FIP1L1: variants seen among roughly 807,000 people sequenced by gnomAD.
FIP1L1 encodes factor interacting with PAPOLA and CPSF1, also known as pre-mRNA 3'-end-processing factor FIP1.
FIP1L1 carries 21 observed loss-of-function variants against 84.6 expected under a neutral mutation model. The ratio of observed to expected loss-of-function variants is 0.25; its 90% CI spans 0.18 to 0.36. The LOEUF is 0.36. Ranked by LOEUF, FIP1L1 falls within the 10% of genes least tolerant of loss-of-function variation. The probability of loss-of-function intolerance (pLI) is 1.00; values close to 1 mark genes in which losing one functional copy is unlikely to be tolerated. For missense variants in FIP1L1, 526 were observed against 751.1 expected, an observed-to-expected ratio of 0.70 and a Z score of 3.50; for synonymous variants, 263 against 242.3, an observed-to-expected ratio of 1.09 and a Z score of -0.80.
intron 13 of FIP1L1, among the ~76,000 whole-genome samples, chr4:53,438,937 G>A (rs942929201): frequency 1.3e-5 from 2 of 152,014 alleles, no homozygotes; most frequent in Non-Finnish European, 2.9e-5. Context: ...AAGTTATTAG[G>A]ATTATAGTAT....
intron 11 of FIP1L1, among the ~76,000 whole-genome samples, chr4:53,419,152 G>C (rs913593410): frequency 6.6e-6 from 1 of 152,200 alleles, no homozygotes; most frequent in African/African-American, 2.4e-5. Context: ...CTGTACAAAA[G>C]TGAGTAAACT....
intron 9 of FIP1L1, among the ~76,000 whole-genome samples, chr4:53,394,328 C>T (rs1462177788): frequency 3.3e-5 from 5 of 152,148 alleles, no homozygotes; most frequent in South Asian, 2.1e-4. Flanking sequence ...ACTCATGTAA[C>T]GGTGGGCTGC....
At chr4:53,444,930 T>A (rs774552831) in intron 15 of FIP1L1, among the ~76,000 whole-genome samples, 1 of 152,106 alleles carries the variant, frequency 6.6e-6, no homozygotes, top group East Asian at 1.9e-4. Context: ...ATAAAAGTTA[T>A]AGGCTTATGG....
At chr4:53,457,780 TA>T (rs1229566127) in intron 16 of FIP1L1, among the ~76,000 whole-genome samples, 2 of 150,892 alleles carry the variant, frequency 1.3e-5, no homozygotes. Context: ...ATGCTAAACA[TA>T]AAAAAAGAAA....
intron 13 of FIP1L1, among the ~76,000 whole-genome samples, chr4:53,438,104 A>G (rs1452419814): frequency 6.6e-6 from 1 of 152,164 alleles, no homozygotes; most frequent in Non-Finnish European, 1.5e-5. Context: ...TTTGGCTGGC[A>G]CTAGAAATCT....
At chr4:53,414,443 T>A (rs1191174222) in intron 10 of FIP1L1, among the ~76,000 whole-genome samples, 172 bp from the exon 11 acceptor site, 1 of 151,930 alleles carries the variant, frequency 6.6e-6, no homozygotes, top group Non-Finnish European at 1.5e-5. Context: ...ATAGCACATC[T>A]ATATTTAAAT....
At chr4:53,409,355 C>A (rs1302913901) in intron 10 of FIP1L1, among the ~76,000 whole-genome samples, 1 of 152,084 alleles carries the variant, frequency 6.6e-6, no homozygotes, top group African/African-American at 2.4e-5. Context: ...TTCCTCTGGA[C>A]GTTTTGCCTC....
intron 12 of FIP1L1, among the ~76,000 whole-genome samples, 182 bp downstream of exon 12, chr4:53,426,147 T>A (rs934118320): frequency 3.9e-5 from 6 of 152,154 alleles, no homozygotes; most frequent in African/African-American, 1.4e-4. Flanking sequence ...AATCTCTGAA[T>A]CTTTTTTTAA....
At chr4:53,454,535 G>A (rs566179790) in intron 16 of FIP1L1, among the ~76,000 whole-genome samples, 1 of 152,246 alleles carries the variant, frequency 6.6e-6, no homozygotes, top group East Asian at 1.9e-4. Flanking sequence ...TATTACTATT[G>A]TTAGGAAAAA....
chr4:53,427,365 G>T (rs1224068298), intron 12 of FIP1L1, among the ~76,000 whole-genome samples: 1 of 152,148 alleles, frequency 6.6e-6, no homozygotes, highest in Non-Finnish European at 1.5e-5. Flanking sequence ...TTTTATTTCA[G>T]TAGGTTTGGG....
chr4:53,385,905 C>T (rs1028987696), intron 5 of FIP1L1, among the ~76,000 whole-genome samples: 1 of 152,022 alleles, frequency 6.6e-6, no homozygotes, highest in African/African-American at 2.4e-5. Flanking sequence ...CCCTTGAAAA[C>T]AAAGTCAGTG....
rs113411128 is a variant in FIP1L1 at position 53,459,413 on chromosome 4, T to C, written c.1749T>C (p.Pro583=). The C allele has an allele frequency of 6.2e-7, 1 of 1,612,716 alleles. No individual in the cohort carries two copies. Among genetic ancestry groups the C allele is most frequent in the Non-Finnish European group, 8.5e-7 (1 of 1,179,444 alleles). ...EGKEAGSEPA[P]EQESTEATPA... ...AAGAAGCGGGCAGTGAGCCTGCCCC[T>C]GAACAGGAGAGCACCGAAGCTACAC... The change falls in exon 18 of 18, where the codon CCT becomes CCC. Residue 583 remains proline, a synonymous_variant. Transcript: ENST00000337488.
intron 9 of FIP1L1, among the ~76,000 whole-genome samples, chr4:53,398,108 G>T (rs1333236232): frequency 2.0e-5 from 3 of 151,878 alleles, no homozygotes; most frequent in Admixed American, 6.6e-5. Context: ...TGGTGTGTTT[G>T]TTTTTTCCTA....
At chr4:53,399,279 A>G (rs1187146834) in intron 9 of FIP1L1, among the ~76,000 whole-genome samples, 1 of 152,230 alleles carries the variant, frequency 6.6e-6, no homozygotes, top group African/African-American at 2.4e-5. Context: ...CATTTGTGTT[A>G]CAGGAAATCA....
At chr4:53,389,970 G>A in intron 6 of FIP1L1, 97 bp downstream of exon 6, 3 of 870,304 alleles carry the variant, frequency 3.4e-6, no homozygotes, top group Non-Finnish European at 3.6e-6. Context: ...ACAGAGTCTG[G>A]CTCTGTCACT....
At chr4:53,403,776 T>G (rs183267995) in intron 10 of FIP1L1, among the ~76,000 whole-genome samples, 18 of 152,330 alleles carry the variant, frequency 1.2e-4, no homozygotes, top group African/African-American at 4.1e-4. Flanking sequence ...TGTTGCCCAA[T>G]GCCGGCTGCA....
At chr4:53,380,302 A>G (rs1219751985) in intron 3 of FIP1L1, among the ~76,000 whole-genome samples, 2 of 152,248 alleles carry the variant, frequency 1.3e-5, no homozygotes, top group African/African-American at 2.4e-5. Flanking sequence ...TTTGGCAAGG[A>G]CAATAAAATG....
intron 11 of FIP1L1, among the ~76,000 whole-genome samples, chr4:53,419,845 G>T (rs1016924468): frequency 9.9e-5 from 15 of 152,120 alleles, no homozygotes; most frequent in African/African-American, 3.4e-4. Context: ...AGGCGCAATG[G>T]CTCACGCCTA....
chr4:53,459,212 A>T, intron 17 of FIP1L1, 90 bp from the exon 18 acceptor site: 1 of 850,046 alleles, frequency 1.2e-6, no homozygotes, highest in Non-Finnish European at 1.8e-6. Context: ...ACCCAGTGTT[A>T]TATTGAGAAT....
Sources: gnomAD v4.1 joint callset for allele counts (sites outside exome capture counted in the v4.1 genomes callset) on GRCh38, gnomAD v4.1.1 for gene constraint, MANE v1.5 for transcripts, NCBI Gene and HGNC (gene_info 2026-07-23, HGNC 2026-07-21) for gene names.